Variants in TRIO observed in about 807,000 individuals in gnomAD.
The protein encoded by TRIO is triple functional domain protein.
In TRIO, 58 loss-of-function variants were observed where a neutral mutation model predicts 351.9. That is an observed-to-expected ratio of 0.16 (90% CI 0.13 to 0.21). TRIO has a LOEUF of 0.21. TRIO is among the 10% of genes least tolerant of loss of function. TRIO has a pLI of 1.00. For synonymous variants in TRIO, 1,758 were observed against 1,595.7 expected (o/e 1.10, Z -2.42); for missense variants, 3,201 against 4,027.8 (o/e 0.79, Z 5.56).
Position 14,505,990 on chromosome 5 carries a change from A to G in TRIO, c.8613-1132A>G, listed in dbSNP as rs952196290. Among the ~76,000 whole-genome samples the G allele has an allele frequency of 3.3e-5, 5 of 152,054 alleles. No homozygotes were observed. In the South Asian group the frequency reaches 1.0e-3, roughly 32 times the overall value. On this transcript the variant is annotated intron_variant, in intron 55 of 56. Transcript: ENST00000344204. Reference sequence around the variant, plus strand: ...TCACCCTGGTGTCCTTAAAAGTCACACTGGCTTTGGAGGGTTGTCGTGGGG... The same window carrying G: ...TCACCCTGGTGTCCTTAAAAGTCACGCTGGCTTTGGAGGGTTGTCGTGGGG...
At chr5:14,325,943 C>G (rs751139596) in intron 9 of TRIO, among the ~76,000 whole-genome samples, 5 of 152,176 alleles carry the variant, frequency 3.3e-5, no homozygotes, top group Non-Finnish European at 7.3e-5. Context: ...AGCGTCATTT[C>G]CTAAGAGGTT....
chr5:14,266,831 A>G (rs1421662857), intron 1 of TRIO, among the ~76,000 whole-genome samples: 3 of 152,244 alleles, frequency 2.0e-5, no homozygotes, highest in Non-Finnish European at 4.4e-5. Flanking sequence ...TAGTGTAAAC[A>G]TTCTGAACAT....
At chr5:14,209,622 C>T (rs1791757986) in intron 1 of TRIO, among the ~76,000 whole-genome samples, 1 of 152,184 alleles carries the variant, frequency 6.6e-6, no homozygotes, top group African/African-American at 2.4e-5. Context: ...GGGGTGCTGC[C>T]ACAGACACCC....
intron 26 of TRIO, 131 bp from the exon 27 acceptor site, chr5:14,390,770 T>A (rs1747011593): frequency 2.8e-6 from 2 of 725,430 alleles, no homozygotes; most frequent in African/African-American, 3.7e-5. Context: ...AGTAGCTTTC[T>A]TTTTAAAATA....
At chr5:14,496,102 T>C (rs1756876036) in intron 49 of TRIO, among the ~76,000 whole-genome samples, 1 of 152,242 alleles carries the variant, frequency 6.6e-6, no homozygotes. Context: ...TGATAGCATT[T>C]TTTTTAGCAA....
intron 26 of TRIO, 76 bp downstream of exon 26, chr5:14,390,376 T>C (rs975999127): frequency 7.2e-7 from 1 of 1,392,402 alleles, no homozygotes; most frequent in Non-Finnish European, 1.0e-6. Flanking sequence ...ATGGTCTTCA[T>C]TTCCTTTAAG....
chr5:14,418,409 G>T (rs947301402), intron 33 of TRIO, among the ~76,000 whole-genome samples: 5 of 152,226 alleles, frequency 3.3e-5, no homozygotes, highest in Admixed American at 2.0e-4. Flanking sequence ...GCGGGACCCA[G>T]TGAAGTGATT....
chr5:14,339,258 G>A (rs1001588950), intron 11 of TRIO, among the ~76,000 whole-genome samples: 2 of 152,128 alleles, frequency 1.3e-5, no homozygotes, highest in African/African-American at 4.8e-5. Context: ...CAAAGCTCTT[G>A]TCCAGAGGCT....
At chr5:14,236,373 A>G (rs1265148981) in intron 1 of TRIO, among the ~76,000 whole-genome samples, 6 of 152,350 alleles carry the variant, frequency 3.9e-5, no homozygotes, top group Admixed American at 6.5e-5. Context: ...ACTACTTGCC[A>G]TACTGAAGGT....
chr5:14,349,018 GTGTT>G (rs1332688281), intron 11 of TRIO, among the ~76,000 whole-genome samples: 6 of 149,166 alleles, frequency 4.0e-5, no homozygotes, highest in Non-Finnish European at 7.4e-5. Context: ...TTTTTCTTGT[GTGTT>G]TATTTATGTG....
intron 2 of TRIO, among the ~76,000 whole-genome samples, chr5:14,278,910 G>C (rs73751325): frequency 1.3e-5 from 2 of 152,114 alleles, no homozygotes; most frequent in Non-Finnish European, 2.9e-5. Context: ...GAAAGATCAT[G>C]CAATTTTCTT....
intron 31 of TRIO, among the ~76,000 whole-genome samples, chr5:14,402,775 GTGA>G (rs1330716946): frequency 6.6e-6 from 1 of 152,024 alleles, no homozygotes; most frequent in African/African-American, 2.4e-5. Context: ...GACTTTGGTG[GTGA>G]TGGTGGTGAG....
chr5:14,281,848 C>G (rs552937061), intron 3 of TRIO, among the ~76,000 whole-genome samples: 43 of 152,256 alleles, frequency 2.8e-4, no homozygotes, highest in African/African-American at 1.0e-3. Flanking sequence ...GAACATGTTA[C>G]AAGAGAATGA....
intron 8 of TRIO, among the ~76,000 whole-genome samples, chr5:14,309,645 C>T (rs749833067): frequency 3.9e-5 from 6 of 152,178 alleles, no homozygotes; most frequent in Non-Finnish European, 5.9e-5. Context: ...ACACAGATCA[C>T]ATGCTGAGCA....
At chr5:14,259,122 G>A (rs937834662) in intron 1 of TRIO, among the ~76,000 whole-genome samples, 11 of 152,200 alleles carry the variant, frequency 7.2e-5, no homozygotes, top group African/African-American at 2.4e-4. Flanking sequence ...GGGTCCTCAC[G>A]CCTCCAGCGG....
At chr5:14,149,049 C>T (rs1007077297) in intron 1 of TRIO, among the ~76,000 whole-genome samples, 12 of 152,154 alleles carry the variant, frequency 7.9e-5, no homozygotes, top group African/African-American at 2.7e-4. Flanking sequence ...TGTTACTCAG[C>T]GGGAGCTGTT....
At chr5:14,463,606 C>T (rs1351574426) in intron 36 of TRIO, among the ~76,000 whole-genome samples, 1 of 151,348 alleles carries the variant, frequency 6.6e-6, no homozygotes, top group Non-Finnish European at 1.5e-5. Context: ...GTGTGGCTTG[C>T]ACATCCTCTA....
At chr5:14,477,078 A>AAAATCAAACTGCATGGTGTT (rs1755137273) in intron 41 of TRIO, 115 bp downstream of exon 41, 1 of 855,476 alleles carries the variant, frequency 1.2e-6, no homozygotes, top group African/African-American at 1.7e-5. Flanking sequence ...TGTTTAAGAT[A>AAAATCAAACTGCATGGTGTT]AAATCAAACT....
chr5:14,474,517 CTGAGT>C (rs1754907210), intron 40 of TRIO, among the ~76,000 whole-genome samples: 1 of 152,018 alleles, frequency 6.6e-6, no homozygotes, highest in Non-Finnish European at 1.5e-5. Context: ...TGAAGAGTGA[CTGAGT>C]TAATACTTTT....
Sources: gnomAD v4.1 joint callset for allele counts (sites outside exome capture counted in the v4.1 genomes callset) on GRCh38, gnomAD v4.1.1 for gene constraint, MANE v1.5 for transcripts, NCBI Gene and HGNC (gene_info 2026-07-23, HGNC 2026-07-21) for gene names.